The following ARF3 variants were observed in gnomAD, a reference collection of about 807,000 sequenced individuals.
ARF3 encodes the protein ARF GTPase 3.
In ARF3, 5 loss-of-function variants were observed where a neutral mutation model predicts 19.3. The observed-to-expected ratio is 0.26, with a 90% CI of 0.14 to 0.54. The LOEUF is 0.54. Among genes scored for constraint, ARF3 ranks in the 20% least tolerant of loss-of-function variants. ARF3 has a pLI of 0.95. For missense variants in ARF3, 77 were observed against 234.2 expected, an observed-to-expected ratio of 0.33 and a Z score of 4.38; for synonymous variants, 71 against 89.2, an observed-to-expected ratio of 0.80 and a Z score of 1.15.
rs1034159476 is a variant in ARF3, at chr12:48,947,887, T to C, written c.-93-6699A>G. 8.8e-4 allele frequency among the ~76,000 whole-genome samples: 133 copies of C among 150,408 alleles called. 4 individuals are homozygous for C. Among genetic ancestry groups the C allele is most frequent in the Middle Eastern group, 3.4e-3 (1 of 294 alleles). On this transcript the variant is annotated intron_variant, in intron 1 of 4. Transcript: ENST00000256682. Reference sequence around the variant, plus strand: ...AAGTAATCAGACAATAAAGAGGGAGTTGGGCAGGGGAAGTGTGTGCAAAGG... The same window carrying C: ...AAGTAATCAGACAATAAAGAGGGAGCTGGGCAGGGGAAGTGTGTGCAAAGG...
chr12:48,948,466 G>A (rs1242800671), intron 1 of ARF3, among the ~76,000 whole-genome samples: 1 of 151,898 alleles, frequency 6.6e-6, no homozygotes, highest in African/African-American at 2.4e-5. Flanking sequence ...TTGTTGACCA[G>A]GTTGGTCTCG....
intron 1 of ARF3, among the ~76,000 whole-genome samples, chr12:48,947,723 C>T (rs1282723924): frequency 2.0e-5 from 3 of 152,146 alleles, no homozygotes; most frequent in African/African-American, 7.2e-5. Flanking sequence ...GACTACAAAA[C>T]AGTGTGAGAG....
intron 1 of ARF3, among the ~76,000 whole-genome samples, 154 bp from the exon 2 acceptor site, chr12:48,941,342 T>C (rs534297746): frequency 1.3e-5 from 2 of 152,196 alleles, no homozygotes; most frequent in African/African-American, 4.8e-5. Flanking sequence ...ACATACTGAG[T>C]CTTTGGGAAC....
intron 1 of ARF3, among the ~76,000 whole-genome samples, chr12:48,949,019 A>C (rs1180419570): frequency 6.6e-6 from 1 of 152,218 alleles, no homozygotes; most frequent in East Asian, 1.9e-4. Context: ...GCAAGTTGTC[A>C]ACTACAAGTG....
intron 1 of ARF3, among the ~76,000 whole-genome samples, chr12:48,949,602 G>A (rs1322543845): frequency 1.3e-5 from 2 of 152,042 alleles, no homozygotes; most frequent in Non-Finnish European, 2.9e-5. Context: ...GAGTGCAGTG[G>A]CATGATCATG....
At chr12:48,955,039 T>C (rs1056065527) in intron 1 of ARF3, among the ~76,000 whole-genome samples, 1 of 152,122 alleles carries the variant, frequency 6.6e-6, no homozygotes, top group Non-Finnish European at 1.5e-5. Context: ...ACAATTTCCT[T>C]CAGTTACATA....
At chr12:48,951,854 G>A (rs1940477771) in intron 1 of ARF3, among the ~76,000 whole-genome samples, 1 of 151,424 alleles carries the variant, frequency 6.6e-6, no homozygotes, top group Non-Finnish European at 1.5e-5. Context: ...ACTCCAGGCT[G>A]GGCAACAAGA....
chr12:48,940,133 C>T (rs751792486), intron 2 of ARF3, 26 bp from the exon 3 acceptor site: 1 of 1,593,726 alleles, frequency 6.3e-7, no homozygotes, highest in South Asian at 1.1e-5. Context: ...AGGCAATGGC[C>T]ACTTGGCCTC....
intron 1 of ARF3, among the ~76,000 whole-genome samples, chr12:48,956,688 C>G (rs1940574989): frequency 6.6e-6 from 1 of 152,088 alleles, no homozygotes; most frequent in Non-Finnish European, 1.5e-5. Context: ...TCTCCTGCCT[C>G]CTCTCCACCC....
chr12:48,943,341 A>G (rs537503601), intron 1 of ARF3, among the ~76,000 whole-genome samples: 47 of 152,134 alleles, frequency 3.1e-4, no homozygotes, highest in Non-Finnish European at 6.0e-4. Flanking sequence ...ATTCAGAATC[A>G]CCCATACAAA....
chr12:48,951,177 AT>A (rs1376380649), intron 1 of ARF3, among the ~76,000 whole-genome samples: 1 of 152,240 alleles, frequency 6.6e-6, no homozygotes, highest in African/African-American at 2.4e-5. Flanking sequence ...TTTGCAACTA[AT>A]ACATCCTAAC....
intron 1 of ARF3, among the ~76,000 whole-genome samples, chr12:48,944,259 A>G (rs1940317847): frequency 6.6e-6 from 1 of 152,370 alleles, no homozygotes; most frequent in East Asian, 1.9e-4. Flanking sequence ...CTGTGAGTAT[A>G]GTGGTGGCTG....
At chr12:48,956,532 C>T in intron 1 of ARF3, 1 of 152,192 alleles carries the variant, frequency 6.6e-6, no homozygotes. Flanking sequence ...AATCCTGGTA[C>T]TTCCTAAAGA....
chr12:48,956,993 G>C (rs753138679), intron 1 of ARF3: 13 of 152,578 alleles, frequency 8.5e-5, no homozygotes, highest in Non-Finnish European at 1.5e-4. Context: ...ACCTCTCCTC[G>C]GACGGTTTTC....
chr12:48,944,227 T>C (rs182513582), intron 1 of ARF3, among the ~76,000 whole-genome samples: 124 of 152,372 alleles, frequency 8.1e-4, no homozygotes, highest in Admixed American at 4.0e-3. Context: ...ACTGAAACTA[T>C]TGCTGATTAA....
At chr12:48,948,384 A>C (rs1458047566) in intron 1 of ARF3, among the ~76,000 whole-genome samples, 1 of 151,924 alleles carries the variant, frequency 6.6e-6, no homozygotes, top group Non-Finnish European at 1.5e-5. Flanking sequence ...AGCTAAAAAG[A>C]CCTACGGGCC....
At position 48,939,587 on chromosome 12, in the gene ARF3, C is replaced by T. The variant is rs989118145; in HGVS notation, c.384+68G>A. Reference sequence around the variant, plus strand: ...CTAAAAGGGTTAACCATATAATAGGCCCAAGAGCCAACAATTTCCACAGCC... The same window carrying T: ...CTAAAAGGGTTAACCATATAATAGGTCCAAGAGCCAACAATTTCCACAGCC... On this transcript the variant is annotated intron_variant, in intron 4 of 4. Transcript: ENST00000256682. This position sits in a 1 kb window ranked among gnomAD's most constrained non-coding sequence, Gnocchi z 4.8. The T allele has an allele frequency of 2.1e-5, 34 of 1,607,810 alleles. No homozygotes were observed. In the East Asian group the frequency reaches 6.7e-4, roughly 32 times the overall value.
chr12:48,941,611 G>A (rs554353583), intron 1 of ARF3: 1 of 152,338 alleles, frequency 6.6e-6, no homozygotes, highest in East Asian at 1.9e-4. Context: ...AGCGGAATAA[G>A]GAGTGGCTCT....
chr12:48,938,559 A>G lies in ARF3; in HGVS notation c.*388T>C, dbSNP rs1174870031. The G allele has an allele frequency of 2.2e-6, 1 of 457,994 alleles. No homozygotes were observed. Among genetic ancestry groups the G allele is most frequent in the Non-Finnish European group, 4.4e-6 (1 of 228,202 alleles). 28.4% of individuals were successfully genotyped at this position (457,994 alleles called of 1,614,324 possible). A position where few individuals can be genotyped will look rare whatever the true frequency, so the allele number is the denominator to read the frequency against. Reference sequence around the variant, plus strand: ...AGAGGGTGGCAAAGGAAAGGCAAACAGGGAGTAGAAGGGCTTGTGGGGACA... The same window carrying G: ...AGAGGGTGGCAAAGGAAAGGCAAACGGGGAGTAGAAGGGCTTGTGGGGACA... On this transcript the variant is annotated 3_prime_UTR_variant, in exon 5 of 5. Transcript: ENST00000256682.
Sources: allele counts gnomAD v4.1 joint callset (sites outside exome capture counted in the v4.1 genomes callset), GRCh38; gene constraint gnomAD v4.1.1; non-coding constraint Gnocchi (gnomAD v3.1); transcripts MANE v1.5; gene names NCBI Gene and HGNC (gene_info 2026-07-23, HGNC 2026-07-21).